The following MSI2 variants were observed in gnomAD, a reference collection of about 807,000 sequenced individuals.
MSI2 encodes RNA-binding protein Musashi homolog 2.
MSI2 carries 17 observed loss-of-function variants against 45.6 expected under a neutral mutation model. That is an observed-to-expected ratio of 0.37 (90% CI 0.26 to 0.56). The LOEUF is 0.56. Among genes scored for constraint, MSI2 ranks in the 20% least tolerant of loss-of-function variants. The pLI, the probability that MSI2 is intolerant of heterozygous loss-of-function variation, is 0.77. For synonymous variants in MSI2, 156 were observed against 158.2 expected (o/e 0.99, Z 0.11); for missense variants, 293 against 444.2 (o/e 0.66, Z 3.06).
chr17:57,560,916 C>A (rs2087559100), intron 7 of MSI2, among the ~76,000 whole-genome samples: 1 of 152,144 alleles, frequency 6.6e-6, no homozygotes, highest in African/African-American at 2.4e-5. Flanking sequence ...CCAGTTTCGC[C>A]CCAGTGGAAC....
intron 4 of MSI2, among the ~76,000 whole-genome samples, chr17:57,261,853 GA>G (rs1907338395): frequency 1.3e-5 from 2 of 151,660 alleles, no homozygotes; most frequent in African/African-American, 4.8e-5. Flanking sequence ...TCAGTGTCTG[GA>G]AGAAGAAGCC....
chr17:57,589,745 G>C (rs1393811793), intron 7 of MSI2, among the ~76,000 whole-genome samples: 1 of 152,182 alleles, frequency 6.6e-6, no homozygotes, highest in Non-Finnish European at 1.5e-5. Context: ...AAAAGTAGGG[G>C]GGAGTGTGAA....
intron 10 of MSI2, chr17:57,630,997 G>C (rs1216892808): frequency 6.6e-6 from 1 of 152,248 alleles, no homozygotes; most frequent in Non-Finnish European, 1.5e-5. Context: ...CCATGCCCCG[G>C]GGATCCTGTG....
At chr17:57,676,472 C>A (rs1329213704) in intron 12 of MSI2, among the ~76,000 whole-genome samples, 1 of 152,202 alleles carries the variant, frequency 6.6e-6, no homozygotes, top group East Asian at 1.9e-4. Flanking sequence ...GACCGTCTAT[C>A]ACCACTTATA....
chr17:57,422,225 G>T (rs559090173), intron 6 of MSI2, among the ~76,000 whole-genome samples: 7 of 152,278 alleles, frequency 4.6e-5, no homozygotes, highest in African/African-American at 1.7e-4. Flanking sequence ...ACTTTGGGAG[G>T]CTGAGGAGGG....
chr17:57,389,499 C>G (rs772113688), intron 5 of MSI2, among the ~76,000 whole-genome samples: 4 of 152,208 alleles, frequency 2.6e-5, no homozygotes, highest in Non-Finnish European at 4.4e-5. Context: ...AGCTGCAGGT[C>G]ATGCCCAGCC....
At chr17:57,589,805 G>A (rs1005987831) in intron 7 of MSI2, among the ~76,000 whole-genome samples, 2 of 152,170 alleles carry the variant, frequency 1.3e-5, no homozygotes, top group Non-Finnish European at 1.5e-5. Flanking sequence ...CTGGTTTAGC[G>A]GCCATGTCAC....
intron 11 of MSI2, among the ~76,000 whole-genome samples, chr17:57,673,636 AAAT>A (rs1159617309): frequency 2.0e-5 from 3 of 152,184 alleles, no homozygotes; most frequent in African/African-American, 7.2e-5. Flanking sequence ...TACTAAGGAG[AAAT>A]AAAGGTGAGA....
At chr17:57,594,547 A>T (rs8068933) in intron 7 of MSI2, among the ~76,000 whole-genome samples, 13 of 151,820 alleles carry the variant, frequency 8.6e-5, no homozygotes, top group Non-Finnish European at 1.6e-4. Context: ...GGCTTGGGGA[A>T]GTGTCGGTGT....
chr17:57,492,254 CGAA>C (rs1287733069), intron 6 of MSI2, among the ~76,000 whole-genome samples: 3 of 152,090 alleles, frequency 2.0e-5, no homozygotes, highest in Non-Finnish European at 2.9e-5. Flanking sequence ...ATATGAGTAC[CGAA>C]GGTGATGGAC....
chr17:57,682,317 T>TCCCCCCCCCC lies in MSI2; in HGVS notation c.*2803_*2812dup, dbSNP rs397856811. The TCCCCCCCCCC allele has an allele frequency of 5.0e-5, 6 of 119,372 alleles. No homozygotes were observed. Among genetic ancestry groups the TCCCCCCCCCC allele is most frequent in the Admixed American group, 2.2e-4 (2 of 9,238 alleles). 7.4% of individuals were successfully genotyped at this position (119,372 alleles called of 1,614,324 possible). On this transcript the variant is annotated 3_prime_UTR_variant, in exon 14 of 14. Coordinates refer to ENST00000284073, the MANE Select transcript of MSI2 (RefSeq NM_138962.4). ...GGCGGACTCTACGGCGTTTTGTAGA[T>TCCCCCCCCCC]CCCCCCCCCCCCACCCACTGTGAAG... is the stretch of plus-strand genomic sequence containing the variant.
chr17:57,631,651 G>A, intron 10 of MSI2: 1 of 751,538 alleles, frequency 1.3e-6, no homozygotes. Flanking sequence ...GTCCACCCCA[G>A]CCTGGAATTT....
chr17:57,281,644 C>T (rs10515137), intron 5 of MSI2, among the ~76,000 whole-genome samples: 11,341 of 152,184 alleles, frequency 0.075, 476 homozygotes, highest in Non-Finnish European at 0.084. Flanking sequence ...TCCCAATATA[C>T]TGCGTTTCAG....
At chr17:57,566,310 A>T (rs1031718305) in intron 7 of MSI2, among the ~76,000 whole-genome samples, 5 of 152,226 alleles carry the variant, frequency 3.3e-5, no homozygotes, top group African/African-American at 1.2e-4. Context: ...TATCTTGATT[A>T]AATGGTCTGC....
chr17:57,480,455 T>A (rs2085626420), intron 6 of MSI2, among the ~76,000 whole-genome samples: 1 of 152,204 alleles, frequency 6.6e-6, no homozygotes, highest in African/African-American at 2.4e-5. Context: ...TGACATTAAC[T>A]GAAGTTCAGG....
At chr17:57,503,270 G>T (rs2086156520) in intron 6 of MSI2, among the ~76,000 whole-genome samples, 1 of 152,184 alleles carries the variant, frequency 6.6e-6, no homozygotes, top group African/African-American at 2.4e-5. Context: ...CAGGGCACAA[G>T]GAGTTGGCAA....
At chr17:57,281,494 G>C (rs769397198) in intron 5 of MSI2, among the ~76,000 whole-genome samples, 2 of 152,002 alleles carry the variant, frequency 1.3e-5, no homozygotes, top group Non-Finnish European at 2.9e-5. Flanking sequence ...ATCCCTTCCA[G>C]CAAATTGGTA....
intron 11 of MSI2, among the ~76,000 whole-genome samples, chr17:57,653,499 CG>C (rs927373754): frequency 5.3e-5 from 8 of 152,132 alleles, no homozygotes; most frequent in Non-Finnish European, 7.4e-5. Flanking sequence ...CCCCGGGCCC[CG>C]GGGGCGGGGT....
rs1913733475 is a variant in MSI2, at chr17:57,683,443, A to G, written c.*3926A>G. On this transcript the variant is annotated 3_prime_UTR_variant, in exon 14 of 14. Transcript: ENST00000284073. The surrounding 1 kb of genome is among the most constrained non-coding windows in gnomAD (Gnocchi z 5.2). The stretch of plus-strand genomic sequence containing the variant: ...TAGTGCAAACGAGGGCTAGGGACTT[A>G]GCCTCCTCCACCACCTCCACACTGC... The G allele has an allele frequency of 4.4e-6, 1 of 229,116 alleles. No individual in the cohort carries two copies. Among genetic ancestry groups the G allele is most frequent in the Admixed American group, 5.7e-5 (1 of 17,640 alleles). The allele number at this position is 229,116 out of a possible 1,614,324, so 14.2% of individuals were successfully genotyped here.
Sources: allele counts gnomAD v4.1 joint callset (sites outside exome capture counted in the v4.1 genomes callset), GRCh38; gene constraint gnomAD v4.1.1; non-coding constraint Gnocchi (gnomAD v3.1); transcripts MANE v1.5; gene names NCBI Gene and HGNC (gene_info 2026-07-23, HGNC 2026-07-21).